The following DAAM1 variants were observed in gnomAD, a reference collection of about 807,000 sequenced individuals.
DAAM1 encodes disheveled-associated activator of morphogenesis 1.
Under a neutral mutation model 130.0 loss-of-function variants are expected in DAAM1, and 52 were observed. That is an observed-to-expected ratio of 0.40 (90% confidence interval 0.32 to 0.50). DAAM1 has a LOEUF of 0.50. Among genes scored for constraint, DAAM1 ranks in the 20% least tolerant of loss-of-function variants. The pLI is 0.61. For synonymous variants in DAAM1, 452 were observed against 444.5 expected, an observed-to-expected ratio of 1.02 and a Z score of -0.21; for missense variants, 1,134 against 1,303.8, an observed-to-expected ratio of 0.87 and a Z score of 2.01.
Position 59,221,942 on chromosome 14 carries a change from A to G in DAAM1, c.-38+33174A>G, listed in dbSNP as rs534728362. Among the ~76,000 whole-genome samples, 11 of 152,342 alleles carry G rather than the reference A, an allele frequency of 7.2e-5. No individual in the cohort carries two copies. In the South Asian group the frequency reaches 1.0e-3, roughly 14 times the overall value. ...ATGGTGAGTGGTGCCACCCACTCCC[A>G]TTTCCACTCCTGATTCCTATACCTG... On this transcript the variant is annotated intron_variant, in intron 1 of 24. Transcript: ENST00000360909.
At chr14:59,260,060 A>G (rs898952141) in intron 1 of DAAM1, among the ~76,000 whole-genome samples, 5 of 152,186 alleles carry the variant, frequency 3.3e-5, no homozygotes, top group Admixed American at 1.3e-4. Context: ...AAAAATTGAG[A>G]TTAAGCATTT....
rs1887168677 is a variant in DAAM1 at position 59,371,371 on chromosome 14, A to G, written c.*2512A>G. 6.6e-6 allele frequency: 1 copy of G among 152,158 alleles called. No individual in the cohort carries two copies. The highest frequency in any genetic ancestry group is 1.5e-5 in the Non-Finnish European group (1 of 68,012). The allele number at this position is 152,158 out of a possible 1,614,324, so 9.4% of individuals were successfully genotyped here. A position where few individuals can be genotyped will look rare whatever the true frequency, so the allele number is the denominator to read the frequency against. ...TGTACATGTTTTTTTAAAAATAGCA[A>G]TATGCAATAAAGAGATGAATTCATT... On this transcript the variant is annotated 3_prime_UTR_variant, in exon 25 of 25. Transcript: ENST00000360909.
At chr14:59,308,338 G>C (rs538390751) in intron 3 of DAAM1, among the ~76,000 whole-genome samples, 252 of 152,322 alleles carry the variant, frequency 1.7e-3, no homozygotes, top group African/African-American at 5.9e-3. Context: ...TTTCTGGCTT[G>C]TAAAAGGGAA....
intron 16 of DAAM1, among the ~76,000 whole-genome samples, chr14:59,346,702 G>T (rs1037901255): frequency 1.3e-5 from 2 of 151,562 alleles, no homozygotes; most frequent in Admixed American, 6.6e-5. Context: ...TTTTCCCCTG[G>T]GTAAGACTAT....
chr14:59,314,319 A>G (rs565757659), intron 3 of DAAM1, among the ~76,000 whole-genome samples: 7 of 152,330 alleles, frequency 4.6e-5, no homozygotes, highest in African/African-American at 1.7e-4. Flanking sequence ...TGGTCTTTGA[A>G]TGTGAAGCTA....
At position 59,291,313 on chromosome 14, in the gene DAAM1, T is replaced by C; in HGVS notation, c.273+7T>C. 6.3e-7 allele frequency: 1 copy of C among 1,591,718 alleles called. No individual in the cohort carries two copies. Among genetic ancestry groups the C allele is most frequent in the South Asian group, 1.2e-5 (1 of 86,842 alleles). On this transcript the variant is annotated splice_region_variant and intron_variant, in intron 3 of 24. Coordinates refer to ENST00000360909, the MANE Select transcript of DAAM1 (RefSeq NM_001270520.2). ...ATACTGTAGCAAGAAAAAGGTAAGA[T>C]TTTCATTGTGATTATGGTTAACTGG...
chr14:59,197,030 C>G (rs1037547559), intron 1 of DAAM1, among the ~76,000 whole-genome samples: 1 of 152,106 alleles, frequency 6.6e-6, no homozygotes, highest in African/African-American at 2.4e-5. Flanking sequence ...CCGCCATTCT[C>G]CTGCCTCGGC....
At chr14:59,351,356 G>A (rs1026352572) in intron 17 of DAAM1, among the ~76,000 whole-genome samples, 7 of 152,094 alleles carry the variant, frequency 4.6e-5, no homozygotes, top group South Asian at 2.1e-4. Context: ...TTAAAAAAAC[G>A]TAAACTCACT....
At chr14:59,249,808 T>G (rs993595158) in intron 1 of DAAM1, among the ~76,000 whole-genome samples, 1 of 152,242 alleles carries the variant, frequency 6.6e-6, no homozygotes, top group African/African-American at 2.4e-5. Context: ...AAACCAGCTT[T>G]AAAATTGCTG....
At chr14:59,354,392 GTCTT>G (rs1285539472) in intron 19 of DAAM1, among the ~76,000 whole-genome samples, 2 of 152,064 alleles carry the variant, frequency 1.3e-5, no homozygotes. Flanking sequence ...TTGGCTCAAG[GTCTT>G]TCTTTTAAAA....
intron 1 of DAAM1, among the ~76,000 whole-genome samples, chr14:59,197,578 A>G (rs1193322109): frequency 6.6e-6 from 1 of 152,254 alleles, no homozygotes; most frequent in Non-Finnish European, 1.5e-5. Flanking sequence ...GTGAGTAGGT[A>G]ACACTTCCAA....
chr14:59,225,018 G>GTTTT (rs1566656866), intron 1 of DAAM1, among the ~76,000 whole-genome samples: 6 of 102,868 alleles, frequency 5.8e-5, no homozygotes, highest in African/African-American at 2.1e-4. Flanking sequence ...AATCTGTGTG[G>GTTTT]GTTTTTTTTT....
chr14:59,287,839 A>G (rs1024609469), intron 2 of DAAM1, among the ~76,000 whole-genome samples: 2 of 152,208 alleles, frequency 1.3e-5, no homozygotes, highest in African/African-American at 2.4e-5. Context: ...TAAAATGACC[A>G]TACTGCCCAA....
At chr14:59,314,332 G>T (rs2295848) in intron 3 of DAAM1, among the ~76,000 whole-genome samples, 32,941 of 152,134 alleles carry the variant, frequency 0.22, 3,673 homozygotes, top group East Asian at 0.32. Context: ...TGAAGCTAAA[G>T]AACCAAAATT....
intron 3 of DAAM1, among the ~76,000 whole-genome samples, chr14:59,306,921 T>C (rs1884400425): frequency 6.6e-6 from 1 of 152,060 alleles, no homozygotes; most frequent in South Asian, 2.1e-4. Context: ...ATGGTCAGAA[T>C]GGGGTAGGTG....
intron 2 of DAAM1, among the ~76,000 whole-genome samples, chr14:59,283,061 T>C (rs1462513532): frequency 1.3e-5 from 2 of 152,130 alleles, no homozygotes; most frequent in Non-Finnish European, 2.9e-5. Flanking sequence ...CAGCAAAACA[T>C]ATTAAAACCC....
At position 59,331,274 on chromosome 14, in the gene DAAM1, CTCTGTG is replaced by C; in HGVS notation, c.1627_1632del (p.Ser543_Val544del). On this transcript the variant is annotated inframe_deletion, in exon 14 of 25. Coordinates refer to ENST00000360909, the MANE Select transcript of DAAM1 (RefSeq NM_001270520.2). ...GAGCACCAGGAGGGCCCTTTCCTTC[CTCTGTG>C]CCTGGATCTCTCCTTCCTCCCCCAC... 6.2e-7 allele frequency: 1 copy of C among 1,612,874 alleles called. No individual in the cohort carries two copies. Among genetic ancestry groups the C allele is most frequent in the South Asian group, 1.1e-5 (1 of 91,024 alleles).
rs191617141 is a variant in DAAM1, at chr14:59,192,355, C to T, written c.-38+3587C>T. On this transcript the variant is annotated intron_variant, in intron 1 of 24. Coordinates refer to ENST00000360909, the MANE Select transcript of DAAM1 (RefSeq NM_001270520.2). Reference sequence around the variant, plus strand: ...AAACTTGAGGTCTTGTGTGAAAACACTTTAAAGTTGCAGCTGTTGGACCAG... The same window carrying T: ...AAACTTGAGGTCTTGTGTGAAAACATTTTAAAGTTGCAGCTGTTGGACCAG... 2.6e-5 allele frequency among the ~76,000 whole-genome samples: 4 copies of T among 152,260 alleles called. No individual in the cohort carries two copies. The East Asian group carries it at 7.7e-4, about 29-fold the overall frequency.
chr14:59,358,733 C>G (rs1481561504), intron 20 of DAAM1, among the ~76,000 whole-genome samples: 9 of 151,804 alleles, frequency 5.9e-5, no homozygotes, highest in Non-Finnish European at 1.2e-4. Flanking sequence ...ATCCCAGCTA[C>G]TCGGGAGGCT....
Sources: allele counts gnomAD v4.1 joint callset (sites outside exome capture counted in the v4.1 genomes callset), GRCh38; gene constraint gnomAD v4.1.1; transcripts MANE v1.5; gene names NCBI Gene and HGNC (gene_info 2026-07-23, HGNC 2026-07-21).